Variants in ENOX1 observed in about 807,000 individuals in gnomAD.
ENOX1 encodes the protein candidate growth-related and time keeping constitutive hydroquinone (NADH) oxidase.
Under a neutral mutation model 82.5 loss-of-function variants are expected in ENOX1, and 42 were observed. The ratio of observed to expected loss-of-function variants is 0.51; its 90% CI spans 0.40 to 0.66. ENOX1 has a LOEUF of 0.66. Ranked by LOEUF, ENOX1 falls within the 30% of genes least tolerant of loss-of-function variation. The pLI is 0.00. For synonymous variants in ENOX1, 271 were observed against 282.2 expected (o/e 0.96, Z 0.40); for missense variants, 608 against 811.6 (o/e 0.75, Z 3.05).
intron 2 of ENOX1, among the ~76,000 whole-genome samples, chr13:43,593,171 T>C (rs2081316430): frequency 6.6e-6 from 1 of 152,190 alleles, no homozygotes; most frequent in African/African-American, 2.4e-5. Flanking sequence ...TGGAGTGACT[T>C]CTCATCTGTT....
At chr13:43,636,891 A>G (rs150995902) in intron 2 of ENOX1, among the ~76,000 whole-genome samples, 11 of 152,312 alleles carry the variant, frequency 7.2e-5, no homozygotes, top group African/African-American at 1.7e-4. Flanking sequence ...CGCATATTCT[A>G]TGTTCCATAG....
chr13:43,530,966 C>T (rs2078184445), intron 2 of ENOX1, among the ~76,000 whole-genome samples: 1 of 151,654 alleles, frequency 6.6e-6, no homozygotes, highest in African/African-American at 2.4e-5. Flanking sequence ...GCTTTTTGGC[C>T]ATAAACAATC....
At chr13:43,703,815 T>G (rs1057443071) in intron 1 of ENOX1, among the ~76,000 whole-genome samples, 36 of 152,124 alleles carry the variant, frequency 2.4e-4, no homozygotes, top group African/African-American at 8.2e-4. Context: ...ATTTCTTTAT[T>G]AGCTTTTCCT....
chr13:43,386,031 G>C (rs1218785989), intron 5 of ENOX1, among the ~76,000 whole-genome samples: 1 of 151,998 alleles, frequency 6.6e-6, no homozygotes, highest in African/African-American at 2.4e-5. Flanking sequence ...CTGAGTGTGG[G>C]AGCCGGTGCC....
chr13:43,712,000 C>T (rs2087755234), intron 1 of ENOX1, among the ~76,000 whole-genome samples: 1 of 149,654 alleles, frequency 6.7e-6, no homozygotes, highest in African/African-American at 2.5e-5. Flanking sequence ...CTTGCCCATG[C>T]CTATGTCCTG....
At chr13:43,577,127 TA>T (rs572511995) in intron 2 of ENOX1, among the ~76,000 whole-genome samples, 14 of 7,726 alleles carry the variant, frequency 1.8e-3, no homozygotes, top group South Asian at 0.071. Context: ...GTGATAAAAA[TA>T]TTTTTTTTTT....
intron 1 of ENOX1, among the ~76,000 whole-genome samples, chr13:43,719,462 C>G (rs2153817385): frequency 6.6e-6 from 1 of 152,132 alleles, no homozygotes; most frequent in Admixed American, 6.5e-5. Context: ...CCTGGGCATT[C>G]AGGCTCCCCC....
intron 2 of ENOX1, among the ~76,000 whole-genome samples, chr13:43,498,277 GTTAACATT>G (rs1019635402): frequency 6.6e-6 from 1 of 152,040 alleles, no homozygotes; most frequent in African/African-American, 2.4e-5. Context: ...AGCATAGTCT[GTTAACATT>G]TTATATGTGT....
At position 43,603,934 on chromosome 13, in the gene ENOX1, C is replaced by A. The variant is rs2081862318; in HGVS notation, c.-219+63545G>T. ...GGGATGGCTGGGTCAAATGGTATTT[C>A]TAGTTCTAGATCCCTGAGGAATTGC... On this transcript the variant is annotated intron_variant, in intron 2 of 16. Transcript: ENST00000690772. 4.7e-5 allele frequency among the ~76,000 whole-genome samples: 5 copies of A among 107,200 alleles called. No individual in the cohort carries two copies. In the South Asian group the frequency reaches 2.0e-3, roughly 43 times the overall value. The allele number at this position is 107,200 out of a possible 152,430, so 70.3% of individuals were successfully genotyped here. A position where few individuals can be genotyped will look rare whatever the true frequency, so the allele number is the denominator to read the frequency against.
intron 15 of ENOX1, among the ~76,000 whole-genome samples, chr13:43,230,736 G>A (rs1056681404): frequency 3.9e-5 from 6 of 152,146 alleles, no homozygotes; most frequent in African/African-American, 1.4e-4. Flanking sequence ...GCTCAGGGCT[G>A]CTTAGAGATC....
chr13:43,616,204 A>ATATATATATATATATATATTTT (rs1457149422), intron 2 of ENOX1, among the ~76,000 whole-genome samples: 1 of 15,314 alleles, frequency 6.5e-5, no homozygotes, highest in Non-Finnish European at 2.1e-4. Flanking sequence ...ATATATATAT[A>ATATATATATATATATATATTTT]TTTTTTTTTT....
chr13:43,714,123 T>C (rs1168781648), intron 1 of ENOX1, among the ~76,000 whole-genome samples: 1 of 151,248 alleles, frequency 6.6e-6, no homozygotes, highest in Admixed American at 6.6e-5. Context: ...GTCTTTGTTC[T>C]CGTTGGTTTC....
At chr13:43,561,064 T>C (rs1473759302) in intron 2 of ENOX1, among the ~76,000 whole-genome samples, 1 of 152,198 alleles carries the variant, frequency 6.6e-6, no homozygotes, top group Non-Finnish European at 1.5e-5. Flanking sequence ...GAGAGAACAG[T>C]GCGTAATCAA....
At chr13:43,288,969 A>G (rs911370314) in intron 12 of ENOX1, among the ~76,000 whole-genome samples, 8 of 152,202 alleles carry the variant, frequency 5.3e-5, no homozygotes, top group African/African-American at 1.4e-4. Context: ...CCTACTTACA[A>G]TAGCCACGAA....
At chr13:43,716,957 T>G (rs1399507104) in intron 1 of ENOX1, among the ~76,000 whole-genome samples, 1 of 152,174 alleles carries the variant, frequency 6.6e-6, no homozygotes, top group African/African-American at 2.4e-5. Context: ...GTTAAAATGA[T>G]GATACTGCCC....
At chr13:43,347,259 A>C (rs1332614816) in intron 8 of ENOX1, among the ~76,000 whole-genome samples, 1 of 152,248 alleles carries the variant, frequency 6.6e-6, no homozygotes, top group Admixed American at 6.5e-5. Context: ...CAATATTCTT[A>C]GGATTAAGCC....
intron 2 of ENOX1, among the ~76,000 whole-genome samples, chr13:43,514,816 C>T (rs914094806): frequency 4.0e-5 from 6 of 151,650 alleles, no homozygotes; most frequent in Non-Finnish European, 8.8e-5. Context: ...ATTAGTTGGA[C>T]TGTCAAGATG....
At chr13:43,500,870 T>C (rs963911624) in intron 2 of ENOX1, among the ~76,000 whole-genome samples, 6 of 151,872 alleles carry the variant, frequency 4.0e-5, no homozygotes, top group Non-Finnish European at 7.4e-5. Flanking sequence ...TATCTTAAAA[T>C]AGACTGTTAT....
At chr13:43,334,372 CAA>C (rs2048580190) in intron 9 of ENOX1, among the ~76,000 whole-genome samples, 2 of 152,134 alleles carry the variant, frequency 1.3e-5, no homozygotes, top group Admixed American at 6.5e-5. Flanking sequence ...TATGATGGGC[CAA>C]AGTCTTATGA....
Sources: gnomAD v4.1 joint callset for allele counts (sites outside exome capture counted in the v4.1 genomes callset) on GRCh38, gnomAD v4.1.1 for gene constraint, MANE v1.5 for transcripts, NCBI Gene and HGNC (gene_info 2026-07-23, HGNC 2026-07-21) for gene names.